The following CAMK1D variants were observed in gnomAD, a reference collection of about 807,000 sequenced individuals.
The protein encoded by CAMK1D is calcium/calmodulin dependent protein kinase ID, also known as calcium/calmodulin-dependent protein kinase type 1D.
CAMK1D carries 9 observed loss-of-function variants against 47.7 expected under a neutral mutation model. The ratio of observed to expected loss-of-function variants is 0.19; its 90% CI spans 0.11 to 0.33. The LOEUF (loss-of-function observed/expected upper bound fraction) is 0.33, where lower values mean the gene tolerates loss of function less well. Ranked by LOEUF, CAMK1D falls within the 10% of genes least tolerant of loss-of-function variation. The pLI, the probability that CAMK1D is intolerant of heterozygous loss-of-function variation, is 1.00. For synonymous variants in CAMK1D, 184 were observed against 184.9 expected (o/e 0.99, Z 0.04); for missense variants, 291 against 488.7 (o/e 0.60, Z 3.81).
At chr10:12,471,898 G>T (rs1833757401) in intron 1 of CAMK1D, among the ~76,000 whole-genome samples, 1 of 151,938 alleles carries the variant, frequency 6.6e-6, no homozygotes, top group Non-Finnish European at 1.5e-5. Flanking sequence ...AGCAGGGCTT[G>T]GTGGTGCGTA....
intron 1 of CAMK1D, among the ~76,000 whole-genome samples, chr10:12,551,733 G>A (rs557099882): frequency 5.9e-5 from 9 of 152,170 alleles, no homozygotes; most frequent in South Asian, 2.1e-4. Flanking sequence ...GCCAGACTCC[G>A]TCTCAAAAAA....
chr10:12,501,157 T>G (rs1458170247), intron 1 of CAMK1D, among the ~76,000 whole-genome samples: 1 of 152,230 alleles, frequency 6.6e-6, no homozygotes, highest in African/African-American at 2.4e-5. Flanking sequence ...AAAATGGAAC[T>G]TGGTAGTCCC....
At chr10:12,400,111 C>T (rs1839122393) in intron 1 of CAMK1D, among the ~76,000 whole-genome samples, 1 of 152,066 alleles carries the variant, frequency 6.6e-6, no homozygotes, top group Non-Finnish European at 1.5e-5. Context: ...GTCATTTGCG[C>T]CTGGATGTTA....
chr10:12,782,644 G>A (rs3781071), intron 5 of CAMK1D, among the ~76,000 whole-genome samples: 34,041 of 152,038 alleles, frequency 0.22, 4,007 homozygotes, highest in East Asian at 0.46. Flanking sequence ...CAGCAGGGGG[G>A]GCATCGCTTC....
chr10:12,449,188 A>G (rs531395941), intron 1 of CAMK1D, among the ~76,000 whole-genome samples: 18 of 152,070 alleles, frequency 1.2e-4, no homozygotes, highest in Non-Finnish European at 2.4e-4. Flanking sequence ...AAATCAGATA[A>G]AGAGGCCAAC....
chr10:12,743,355 A>AAAAAAAAAAAAAAAAAAAAAAAAAAAG (rs1461631779), intron 3 of CAMK1D, among the ~76,000 whole-genome samples: 1 of 118,152 alleles, frequency 8.5e-6, no homozygotes, highest in African/African-American at 2.8e-5. Flanking sequence ...TCAAAAAAAA[A>AAAAAAAAAAAAAAAAAAAAAAAAAAAG]AAAAGAAAAA....
intron 1 of CAMK1D, among the ~76,000 whole-genome samples, chr10:12,352,710 G>A (rs1411369892): frequency 6.6e-6 from 1 of 151,122 alleles, no homozygotes; most frequent in African/African-American, 2.4e-5. Flanking sequence ...AGAGCTTTTG[G>A]ATTGTCGTCC....
At chr10:12,623,215 C>T (rs1169564848) in intron 2 of CAMK1D, among the ~76,000 whole-genome samples, 39 of 634 alleles carry the variant, frequency 0.062, 1 homozygote, top group African/African-American at 0.095. Flanking sequence ...TTTCTTTCCT[C>T]CCTCCCTCCC....
intron 2 of CAMK1D, among the ~76,000 whole-genome samples, chr10:12,615,192 C>T (rs1383047202): frequency 6.6e-6 from 1 of 152,142 alleles, no homozygotes; most frequent in Non-Finnish European, 1.5e-5. Context: ...AGGGGGCCTC[C>T]TGGGCCACCC....
intron 1 of CAMK1D, among the ~76,000 whole-genome samples, chr10:12,462,024 C>T (rs189616538): frequency 7.9e-5 from 12 of 152,190 alleles, no homozygotes; most frequent in East Asian, 1.9e-4. Context: ...AACTCCCTTG[C>T]GACTCAGCGA....
At chr10:12,565,546 G>A (rs1588638749) in intron 2 of CAMK1D, among the ~76,000 whole-genome samples, 1 of 152,198 alleles carries the variant, frequency 6.6e-6, no homozygotes, top group Admixed American at 6.5e-5. Context: ...GAGCTGCCGC[G>A]CCTGGCGACA....
intron 1 of CAMK1D, among the ~76,000 whole-genome samples, chr10:12,486,910 C>A (rs571398271): frequency 6.6e-6 from 1 of 152,062 alleles, no homozygotes; most frequent in African/African-American, 2.4e-5. Context: ...TACACCCCAG[C>A]GTGGGTGACA....
At chr10:12,545,369 G>A (rs1026369192) in intron 1 of CAMK1D, among the ~76,000 whole-genome samples, 2 of 148,194 alleles carry the variant, frequency 1.3e-5, no homozygotes, top group African/African-American at 5.0e-5. Flanking sequence ...AGAATTGCTT[G>A]AACCCCAGAG....
At position 12,473,876 on chromosome 10, in the gene CAMK1D, A is replaced by G. The variant is rs1833822287; in HGVS notation, c.93-79349A>G. On this transcript the variant is annotated intron_variant, in intron 1 of 10. Coordinates refer to ENST00000619168, the MANE Select transcript of CAMK1D (RefSeq NM_153498.4). The stretch of plus-strand genomic sequence containing the variant: ...GGGAGACTGCTAGGAAGTCCTCTGC[A>G]GTTTTTGTAGGGGATTCTCATGGAA... Among the ~76,000 whole-genome samples the G allele has an allele frequency of 2.0e-5, 3 of 152,222 alleles. No homozygotes were observed. In the South Asian group the frequency reaches 6.2e-4, roughly 32 times the overall value.
At chr10:12,370,075 G>C (rs1413058742) in intron 1 of CAMK1D, among the ~76,000 whole-genome samples, 1 of 151,948 alleles carries the variant, frequency 6.6e-6, no homozygotes. Context: ...ACTGTGGCAA[G>C]TACAATATAG....
At chr10:12,564,132 T>TCC (rs1160405593) in intron 2 of CAMK1D, among the ~76,000 whole-genome samples, 58 of 95,922 alleles carry the variant, frequency 6.0e-4, no homozygotes, top group Non-Finnish European at 1.1e-3. Context: ...TCTCTCTCTC[T>TCC]CTCTCTCTCT....
intron 1 of CAMK1D, among the ~76,000 whole-genome samples, chr10:12,452,659 C>G (rs1011903101): frequency 6.6e-6 from 1 of 151,860 alleles, no homozygotes; most frequent in African/African-American, 2.4e-5. Flanking sequence ...AGTCTTGACT[C>G]ACTGCAACCT....
chr10:12,532,375 GT>G (rs1300116693), intron 1 of CAMK1D, among the ~76,000 whole-genome samples: 1 of 151,058 alleles, frequency 6.6e-6, no homozygotes, highest in Non-Finnish European at 1.5e-5. Flanking sequence ...CGCCTCCTGG[GT>G]TCACGCCATT....
At chr10:12,577,780 TTAACTCAGCCCC>T (rs1349704314) in intron 2 of CAMK1D, among the ~76,000 whole-genome samples, 1 of 152,244 alleles carries the variant, frequency 6.6e-6, no homozygotes, top group Non-Finnish European at 1.5e-5. Context: ...GCTGACATCG[TTAACTCAGCCCC>T]TCCAAGATTA....
Sources: allele counts gnomAD v4.1 joint callset (sites outside exome capture counted in the v4.1 genomes callset), GRCh38; gene constraint gnomAD v4.1.1; transcripts MANE v1.5; gene names NCBI Gene and HGNC (gene_info 2026-07-23, HGNC 2026-07-21).